Variants in TRIM37 observed in about 807,000 individuals in gnomAD.
The protein encoded by TRIM37 is tripartite motif containing 37.
In TRIM37, 80 loss-of-function variants were observed where a neutral mutation model predicts 129.8. The observed-to-expected ratio is 0.62, with a 90% CI of 0.51 to 0.74. The LOEUF (loss-of-function observed/expected upper bound fraction) is 0.74. TRIM37 is among the 30% of genes least tolerant of loss of function. The probability of loss-of-function intolerance (pLI) is 0.00; values close to 1 mark genes in which losing one functional copy is unlikely to be tolerated. For missense variants in TRIM37, 1,054 were observed against 1,176.5 expected (o/e 0.90, Z 1.52); for synonymous variants, 389 against 387.1 (o/e 1.00, Z -0.06).
chr17:58,997,201 G>A (rs2033096270), downstream of TRIM37, among the ~76,000 whole-genome samples: 1 of 152,162 alleles, frequency 6.6e-6, no homozygotes. Flanking sequence ...TCACTGTTCT[G>A]TGATTATGTA....
chr17:59,017,102 C>T (rs1353822966), intron 20 of TRIM37, among the ~76,000 whole-genome samples, 194 bp downstream of exon 20: 1 of 151,802 alleles, frequency 6.6e-6, no homozygotes, highest in East Asian at 1.9e-4. Context: ...CGGTCGAGGC[C>T]ACGGTGAGCC....
intron 2 of TRIM37, among the ~76,000 whole-genome samples, chr17:59,097,174 TAA>T (rs911306023): frequency 9.9e-5 from 15 of 152,082 alleles, no homozygotes; most frequent in Non-Finnish European, 1.3e-4. Flanking sequence ...ATTCAAAGGC[TAA>T]AAACTCTTCC....
In TRIM37 at chr17:59,051,197, A is replaced by T. The variant is rs778642841; in HGVS notation, c.1314+17T>A. 7 of 1,511,704 alleles carry T rather than the reference A, an allele frequency of 4.6e-6. No individual in the cohort carries two copies. The African/African-American group carries it at 8.2e-5, about 18-fold the overall frequency. 93.6% of individuals were successfully genotyped at this position (1,511,704 alleles called of 1,614,324 possible). A position where few individuals can be genotyped will look rare whatever the true frequency, so the allele number is the denominator to read the frequency against. ...GGACAATAGGAAACACCAAAACAGA[A>T]ATAGATATTTTCTTACCTCTTTAAG... On this transcript the variant is annotated intron_variant, in intron 14 of 23. Coordinates refer to ENST00000262294, the MANE Select transcript of TRIM37 (RefSeq NM_015294.6).
chr17:59,071,188 G>GATAA (rs901015571), intron 8 of TRIM37, among the ~76,000 whole-genome samples: 1 of 151,698 alleles, frequency 6.6e-6, no homozygotes, highest in Non-Finnish European at 1.5e-5. Flanking sequence ...TACATTTTAG[G>GATAA]ATAAATGAGG....
intron 24 of TRIM37, among the ~76,000 whole-genome samples, chr17:58,987,761 C>T (rs954761878): frequency 2.6e-4 from 39 of 152,210 alleles, no homozygotes; most frequent in Non-Finnish European, 2.8e-4. Flanking sequence ...ATCTTATCAC[C>T]TTTATAATTC....
chr17:58,988,563 A>C (rs6503891), intron 24 of TRIM37, among the ~76,000 whole-genome samples: 57,498 of 151,866 alleles, frequency 0.38, 11,122 homozygotes, highest in Middle Eastern at 0.51. Flanking sequence ...AGACCCTCCC[A>C]AACCTAGGGA....
intron 19 of TRIM37, among the ~76,000 whole-genome samples, chr17:59,023,203 G>A (rs1473800065): frequency 6.6e-6 from 1 of 152,088 alleles, no homozygotes; most frequent in African/African-American, 2.4e-5. Flanking sequence ...GGCCTCCTGA[G>A]TAGCTGGGAT....
chr17:59,058,541 T>G (rs2146411103), intron 12 of TRIM37, among the ~76,000 whole-genome samples: 1 of 151,664 alleles, frequency 6.6e-6, no homozygotes, highest in South Asian at 2.1e-4. Context: ...AAATAAAAGT[T>G]AAAAAGAAAA....
intron 16 of TRIM37, among the ~76,000 whole-genome samples, chr17:59,044,404 T>A (rs2039558566): frequency 6.6e-6 from 1 of 151,782 alleles, no homozygotes. Flanking sequence ...CTACTAAAAC[T>A]ACAAAAAATT....
chr17:59,100,157 C>T (rs1263359795), intron 2 of TRIM37, among the ~76,000 whole-genome samples: 1 of 152,120 alleles, frequency 6.6e-6, no homozygotes. Context: ...CATGTATGCT[C>T]ATTGTTTAGC....
At position 59,104,260 on chromosome 17, in the gene TRIM37, T is replaced by C. The variant is rs777134240; in HGVS notation, c.123+33A>G. 26 of 1,553,548 alleles carry C rather than the reference T, an allele frequency of 1.7e-5. 1 individual carries two copies. The Admixed American group carries it at 1.8e-4, about 11-fold the overall frequency. The stretch of plus-strand genomic sequence containing the variant: ...TAATCCTTACAATATATACTATATA[T>C]ACTAACTGCATGTAAAAAGAAATAC... On this transcript the variant is annotated intron_variant, in intron 2 of 23. Coordinates refer to ENST00000262294, the MANE Select transcript of TRIM37 (RefSeq NM_015294.6).
At chr17:59,082,292 T>G (rs137996817) in intron 5 of TRIM37, among the ~76,000 whole-genome samples, 49 of 151,816 alleles carry the variant, frequency 3.2e-4, no homozygotes, top group Admixed American at 1.5e-3. Flanking sequence ...ACAAAACAAA[T>G]AATAATAATA....
chr17:59,027,895 C>A (rs1398667363), intron 19 of TRIM37, among the ~76,000 whole-genome samples: 2 of 152,142 alleles, frequency 1.3e-5, no homozygotes, highest in African/African-American at 4.8e-5. Flanking sequence ...CAAAATAAAT[C>A]CTGTGTCAGT....
Position 59,062,504 on chromosome 17 carries a change from T to C in TRIM37, c.942+63A>G, listed in dbSNP as rs150044399. The C allele has an allele frequency of 5.3e-3, 6,895 of 1,311,958 alleles. 30 individuals are homozygous for C. The highest frequency in any genetic ancestry group is 6.9e-3 in the Non-Finnish European group (6,326 of 913,496). The allele number at this position is 1,311,958 out of a possible 1,614,324, so 81.3% of individuals were successfully genotyped here. ...ACAGTTCTCAGTAATCAAATTAGTA[T>C]ACTACAGAACTCTGAAAGAAAGACC... On this transcript the variant is annotated intron_variant, in intron 11 of 23. Coordinates refer to ENST00000262294, the MANE Select transcript of TRIM37 (RefSeq NM_015294.6).
At position 59,049,346 on chromosome 17, in the gene TRIM37, T is replaced by C. The variant is rs1472147846; in HGVS notation, c.1362A>G (p.Ser454=). The stretch of plus-strand genomic sequence containing the variant: ...GGGGGCTAAGATGGTTATCTGGTGG[T>C]GACAAATCTCTTGACTTCTGAGTTC... ...LSRTQKSRDL[S]PPDNHLSPQN... The change falls in exon 15 of 24, where the codon TCA becomes TCG. Residue 454 remains serine, a synonymous_variant. Transcript: ENST00000262294. 6.2e-7 allele frequency: 1 copy of C among 1,614,050 alleles called. No individual in the cohort carries two copies. The highest frequency in any genetic ancestry group is 8.5e-7 in the Non-Finnish European group (1 of 1,180,040).
the TRIM37 span, chr17:58,969,765 C>G: frequency 6.3e-7 from 1 of 1,594,282 alleles, no homozygotes. Flanking sequence ...TAGAAATGTA[C>G]TAGCTGAGCT....
At chr17:59,071,097 G>T (rs889726044) in intron 8 of TRIM37, 150 bp from the exon 9 acceptor site, 1 of 887,668 alleles carries the variant, frequency 1.1e-6, no homozygotes, top group Non-Finnish European at 1.7e-6. Context: ...AATGTACAAA[G>T]AATCTAGGTT....
At chr17:59,074,124 A>G (rs1180746637) in intron 8 of TRIM37, among the ~76,000 whole-genome samples, 2 of 152,228 alleles carry the variant, frequency 1.3e-5, no homozygotes, top group African/African-American at 4.8e-5. Context: ...CAATAAACAC[A>G]TGATTAATGC....
chr17:58,998,424 C>A lies in TRIM37; in HGVS notation c.*953G>T, dbSNP rs2033230382. 3 of 985,258 alleles carry A rather than the reference C, an allele frequency of 3.0e-6. No individual in the cohort carries two copies. Among genetic ancestry groups the A allele is most frequent in the Middle Eastern group, 1.0e-3 (2 of 1,936 alleles). The allele number at this position is 985,258 out of a possible 1,614,324, so 61.0% of individuals were successfully genotyped here. A position where few individuals can be genotyped will look rare whatever the true frequency, so the allele number is the denominator to read the frequency against. On this transcript the variant is annotated 3_prime_UTR_variant, in exon 24 of 24. Transcript: ENST00000262294. ...TGTAATTTCCACAAATATATAGCAG[C>A]TCAAACACAAATGCAGGAGCACAAT...
Sources: gnomAD v4.1 joint callset for allele counts (sites outside exome capture counted in the v4.1 genomes callset) on GRCh38, gnomAD v4.1.1 for gene constraint, MANE v1.5 for transcripts, NCBI Gene and HGNC (gene_info 2026-07-23, HGNC 2026-07-21) for gene names.